The following RANBP2 variants were observed in gnomAD, a reference collection of about 807,000 sequenced individuals.
RANBP2 encodes E3 SUMO-protein ligase RanBP2.
In RANBP2, 57 loss-of-function variants were observed where a neutral mutation model predicts 303.6. The observed-to-expected ratio is 0.19, with a 90% CI of 0.15 to 0.23. RANBP2 has a LOEUF of 0.23. Ranked by LOEUF, RANBP2 falls within the 10% of genes least tolerant of loss-of-function variation. The pLI is 1.00. For missense variants in RANBP2, 3,138 were observed against 3,780.8 expected (o/e 0.83, Z 4.46); for synonymous variants, 1,167 against 1,301.5 (o/e 0.90, Z 2.23).
the RANBP2 span, among the ~76,000 whole-genome samples, chr2:109,031,936 C>T: frequency 1.4e-5 from 2 of 139,766 alleles, no homozygotes; most frequent in Admixed American, 7.3e-5. Flanking sequence ...CGTTCACTCT[C>T]TTTGACCTTT....
the RANBP2 span, among the ~76,000 whole-genome samples, chr2:109,720,225 T>TTA: frequency 6.6e-5 from 10 of 151,906 alleles, no homozygotes; most frequent in East Asian, 3.9e-4. Context: ...CTTCTGATCA[T>TTA]TATATATATA....
chr2:109,735,131 T>A, the RANBP2 span, among the ~76,000 whole-genome samples: 1 of 152,194 alleles, frequency 6.6e-6, no homozygotes, highest in Non-Finnish European at 1.5e-5. Context: ...TAATTTTTTG[T>A]CCATTAACTA....
the RANBP2 span, among the ~76,000 whole-genome samples, chr2:109,675,866 C>A: frequency 6.6e-6 from 1 of 152,178 alleles, no homozygotes; most frequent in African/African-American, 2.4e-5. Flanking sequence ...CTCCTGTCCC[C>A]ACCCCAGGGT....
the RANBP2 span, among the ~76,000 whole-genome samples, chr2:109,269,815 A>G: frequency 6.6e-6 from 1 of 152,180 alleles, no homozygotes; most frequent in Non-Finnish European, 1.5e-5. Flanking sequence ...ATACTTGTGC[A>G]TTTTAGGAAT....
the RANBP2 span, among the ~76,000 whole-genome samples, chr2:109,734,639 G>T: frequency 6.6e-6 from 1 of 151,832 alleles, no homozygotes; most frequent in Non-Finnish European, 1.5e-5. Flanking sequence ...TGGGGAAGCA[G>T]ATCCTCAAAT....
chr2:109,704,305 T>C, the RANBP2 span, among the ~76,000 whole-genome samples: 1 of 152,100 alleles, frequency 6.6e-6, no homozygotes, highest in Non-Finnish European at 1.5e-5. Context: ...ATCCTAACAC[T>C]GGGAGGCCGA....
the RANBP2 span, among the ~76,000 whole-genome samples, chr2:109,155,435 T>A: frequency 5.9e-5 from 9 of 152,180 alleles, no homozygotes; most frequent in African/African-American, 2.2e-4. Context: ...CCCGAGTAGC[T>A]GGGACTACAG....
the RANBP2 span, chr2:108,798,505 G>C: frequency 1.2e-6 from 2 of 1,613,914 alleles, no homozygotes; most frequent in Admixed American, 3.3e-5. Flanking sequence ...GAGAACAACT[G>C]CTTTTCAGAC....
chr2:109,593,996 T>C, the RANBP2 span, among the ~76,000 whole-genome samples: 2 of 152,110 alleles, frequency 1.3e-5, no homozygotes, highest in African/African-American at 2.4e-5. Context: ...GATGAAAAAA[T>C]TCAGATTCTG....
chr2:108,815,982 C>T, the RANBP2 span: 5 of 1,613,168 alleles, frequency 3.1e-6, no homozygotes, highest in African/African-American at 1.3e-5. Flanking sequence ...TAACTGTCTT[C>T]ATGGACTGGA....
At chr2:109,159,221 T>C in the RANBP2 span, among the ~76,000 whole-genome samples, 1 of 152,228 alleles carries the variant, frequency 6.6e-6, no homozygotes, top group Non-Finnish European at 1.5e-5. Context: ...TGCTTTGAGC[T>C]TCCCCTCCCT....
At chr2:109,426,052 C>G in the RANBP2 span, among the ~76,000 whole-genome samples, 1 of 152,184 alleles carries the variant, frequency 6.6e-6, no homozygotes, top group Non-Finnish European at 1.5e-5. Context: ...CGCATGCCAC[C>G]ACGCCCAGCT....
At chr2:108,820,313 A>G in the RANBP2 span, among the ~76,000 whole-genome samples, 1 of 152,198 alleles carries the variant, frequency 6.6e-6, no homozygotes, top group Non-Finnish European at 1.5e-5. Flanking sequence ...AAAAGTGACG[A>G]CAGTCTGAGG....
chr2:108,881,604 T>C, the RANBP2 span, among the ~76,000 whole-genome samples: 1 of 152,208 alleles, frequency 6.6e-6, no homozygotes, highest in Non-Finnish European at 1.5e-5. Context: ...ATTTCTAGCT[T>C]TTCATTTAAA....
At chr2:109,036,689 A>G in the RANBP2 span, among the ~76,000 whole-genome samples, 3 of 152,134 alleles carry the variant, frequency 2.0e-5, no homozygotes, top group African/African-American at 7.2e-5. Flanking sequence ...GGTGGGGACA[A>G]TCCTAAGTTG....
chr2:109,219,014 C>G, the RANBP2 span, among the ~76,000 whole-genome samples: 2 of 152,218 alleles, frequency 1.3e-5, no homozygotes, highest in Non-Finnish European at 1.5e-5. Flanking sequence ...ACTGACCTCT[C>G]TTTCTTGGCT....
At chr2:109,502,423 C>A in the RANBP2 span, 1 of 152,190 alleles carries the variant, frequency 6.6e-6, no homozygotes, top group African/African-American at 2.4e-5. Flanking sequence ...TTTTGTAAAA[C>A]TAATAATGAC....
the RANBP2 span, among the ~76,000 whole-genome samples, chr2:108,849,754 C>G: frequency 6.6e-6 from 1 of 152,198 alleles, no homozygotes; most frequent in African/African-American, 2.4e-5. Context: ...CTGGCCTCTC[C>G]CAGCCTAGGC....
At position 108,783,155 on chromosome 2, in the gene RANBP2, A is replaced by G. The variant is rs555604080; in HGVS notation, c.9369+293A>G. On this transcript the variant is annotated intron_variant, in intron 28 of 28. Transcript: ENST00000283195. ...GGAATTTGAGACCAGCCTGGGTAAC[A>G]TGGCAAAAATCTCGTCTGGACAAAA... is the stretch of plus-strand genomic sequence containing the variant. 3.3e-5 allele frequency among the ~76,000 whole-genome samples: 5 copies of G among 151,810 alleles called. No individual in the cohort carries two copies. The South Asian group carries it at 1.0e-3, about 32-fold the overall frequency.
Sources: allele counts gnomAD v4.1 joint callset (sites outside exome capture counted in the v4.1 genomes callset), GRCh38; gene constraint gnomAD v4.1.1; transcripts MANE v1.5; gene names NCBI Gene and HGNC (gene_info 2026-07-23, HGNC 2026-07-21).